The following RNF17 variants were observed in gnomAD, a reference collection of about 807,000 sequenced individuals.
RNF17 encodes the protein spermatogenesis associated 23.
A neutral mutation model predicts 200.5 loss-of-function variants in RNF17; 31 were observed. The observed-to-expected ratio is 0.15, with a 90% confidence interval of 0.12 to 0.21. The LOEUF (loss-of-function observed/expected upper bound fraction) is 0.21, where lower values mean the gene tolerates loss of function less well. RNF17 is among the 10% of genes least tolerant of loss of function. The pLI, the probability that RNF17 is intolerant of heterozygous loss-of-function variation, is 1.00. For missense variants in RNF17, 1,628 were observed against 1,905.1 expected, an observed-to-expected ratio of 0.85 and a Z score of 2.71; for synonymous variants, 606 against 637.8, an observed-to-expected ratio of 0.95 and a Z score of 0.75.
chr13:24,757,602 G>A, the RNF17 span, among the ~76,000 whole-genome samples: 6 of 152,166 alleles, frequency 3.9e-5, no homozygotes, highest in Non-Finnish European at 8.8e-5. Context: ...GAGATTACAG[G>A]CATGAGCCAC....
At position 24,815,664 on chromosome 13, in the gene RNF17, G is replaced by A. The variant is rs1319894837; in HGVS notation, c.2092-9955G>A. 2.0e-5 allele frequency among the ~76,000 whole-genome samples: 3 copies of A among 152,254 alleles called. No homozygotes were observed. In the East Asian group the frequency reaches 5.8e-4, roughly 29 times the overall value. ...GTCTTATTCCTGTCTTAAGGGAAAAGCGTTTGTCTTTGACCATTGAGTATG... is the reference window on the plus strand; with the variant it reads ...GTCTTATTCCTGTCTTAAGGGAAAAACGTTTGTCTTTGACCATTGAGTATG... On this transcript the variant is annotated intron_variant, in intron 15 of 35. Transcript: ENST00000255324.
intron 24 of RNF17, among the ~76,000 whole-genome samples, chr13:24,853,653 T>C (rs1443672427): frequency 6.6e-6 from 1 of 152,206 alleles, no homozygotes; most frequent in Admixed American, 6.5e-5. Flanking sequence ...TTAAAACATT[T>C]ACTTAAATTT....
At chr13:24,827,147 G>T (rs1888759435) in intron 16 of RNF17, among the ~76,000 whole-genome samples, 1 of 151,910 alleles carries the variant, frequency 6.6e-6, no homozygotes, top group Non-Finnish European at 1.5e-5. Context: ...GGTCAGGCTG[G>T]TCTCAGACTC....
chr13:24,844,595 A>G (rs1891040885), intron 20 of RNF17, 57 bp from the exon 21 acceptor site: 1 of 1,350,402 alleles, frequency 7.4e-7, no homozygotes, highest in Non-Finnish European at 1.0e-6. Flanking sequence ...GGAAACATGT[A>G]GCCAGAGAAT....
the RNF17 span, among the ~76,000 whole-genome samples, chr13:24,754,913 A>G: frequency 6.6e-6 from 1 of 151,232 alleles, no homozygotes; most frequent in African/African-American, 2.4e-5. Context: ...AAAAAAAAAG[A>G]TTGCATTATT....
intron 16 of RNF17, among the ~76,000 whole-genome samples, chr13:24,827,885 A>C (rs914867850): frequency 1.1e-4 from 16 of 151,912 alleles, no homozygotes; most frequent in African/African-American, 3.9e-4. Flanking sequence ...CAGAAGTATG[A>C]AAAAGGAAGG....
At chr13:24,841,694 C>G (rs1890655017) in intron 18 of RNF17, among the ~76,000 whole-genome samples, 1 of 152,024 alleles carries the variant, frequency 6.6e-6, no homozygotes, top group Admixed American at 6.6e-5. Flanking sequence ...TGCGGTGGCT[C>G]AGGCCTGTAA....
chr13:24,753,015 G>C, the RNF17 span, among the ~76,000 whole-genome samples: 173 of 152,266 alleles, frequency 1.1e-3, no homozygotes, highest in African/African-American at 3.8e-3. Context: ...CCTTGGGCAA[G>C]AAGTTCTGTG....
chr13:24,833,601 C>G (rs549532450), intron 18 of RNF17, among the ~76,000 whole-genome samples: 1 of 152,280 alleles, frequency 6.6e-6, no homozygotes, highest in South Asian at 2.1e-4. Context: ...GGGTTTCTTT[C>G]TTGATTCCTC....
In RNF17 at chr13:24,793,060, T is replaced by G. The variant is rs1299982968; in HGVS notation, c.954T>G (p.Asn318Lys). 6.3e-7 allele frequency: 1 copy of G among 1,578,072 alleles called. No individual in the cohort carries two copies. Among genetic ancestry groups the G allele is most frequent in the African/African-American group, 1.4e-5 (1 of 73,062 alleles). Residue 318 changes from asparagine (N) to lysine (K), a missense_variant, in exon 10 of 36, where the codon AAT becomes AAG. This residue lies in a region of RNF17 where 502 missense variants were observed against 501.7 expected (regional missense o/e 1.00). Coordinates refer to ENST00000255324, the MANE Select transcript of RNF17 (RefSeq NM_031277.3). ...TAAACAGATGTTATCCCCAAGAAAA[T>G]GAAATTAGACAGAATGTTCAAAAGA... is the stretch of plus-strand genomic sequence containing the variant. ...RDSTKCYPQENEIRQNVQKKY... is the reference protein window; with the variant it reads ...RDSTKCYPQEKEIRQNVQKKY...
At chr13:24,829,025 A>T (rs1319170905) in intron 16 of RNF17, among the ~76,000 whole-genome samples, 1 of 151,954 alleles carries the variant, frequency 6.6e-6, no homozygotes. Flanking sequence ...GGCTCAAGTG[A>T]TCCTCCTGCC....
At chr13:24,801,025 T>C (rs951823656) in intron 13 of RNF17, among the ~76,000 whole-genome samples, 20 of 152,316 alleles carry the variant, frequency 1.3e-4, no homozygotes, top group African/African-American at 4.8e-4. Context: ...GAGGAGTCTG[T>C]CTTTGCTCAT....
At chr13:24,827,503 A>G (rs929010361) in intron 16 of RNF17, among the ~76,000 whole-genome samples, 1 of 151,892 alleles carries the variant, frequency 6.6e-6, no homozygotes, top group African/African-American at 2.4e-5. Flanking sequence ...TAGACTGGGT[A>G]GTTTATAAAC....
the RNF17 span, among the ~76,000 whole-genome samples, chr13:24,754,168 A>T: frequency 1.3e-3 from 113 of 85,908 alleles, no homozygotes; most frequent in African/African-American, 3.5e-3. Flanking sequence ...AAATAAAATT[A>T]AAAAAAAAAT....
At chr13:24,854,466 A>G (rs1173654193) in intron 25 of RNF17, among the ~76,000 whole-genome samples, 1 of 140,704 alleles carries the variant, frequency 7.1e-6, no homozygotes. Flanking sequence ...ATCAGATGCC[A>G]ATTTTTTTTT....
At position 24,804,421 on chromosome 13, in the gene RNF17, C is replaced by G; in HGVS notation, c.2083C>G (p.Leu695Val). The change falls in exon 15 of 36, where the codon CTT (leucine) becomes GTT (valine). Residue 695 changes from leucine to valine, a missense_variant. This residue lies in a region of RNF17 where 289 missense variants were observed against 384.9 expected (regional missense o/e 0.75). Transcript: ENST00000255324. ...CHINSPGDFYLQLIEGLDILF... is the reference protein window; with the variant it reads ...CHINSPGDFYVQLIEGLDILF... ...TATAAATAGTCCTGGAGATTTCTAT[C>G]TTCAGTTGGTAAGTATATAATGTGT... is the stretch of plus-strand genomic sequence containing the variant. 6.2e-7 allele frequency: 1 copy of G among 1,609,230 alleles called. No individual in the cohort carries two copies. Among genetic ancestry groups the G allele is most frequent in the African/African-American group, 1.3e-5 (1 of 74,874 alleles).
chr13:24,821,265 A>G (rs983277407), intron 15 of RNF17, among the ~76,000 whole-genome samples: 4 of 152,160 alleles, frequency 2.6e-5, no homozygotes, highest in African/African-American at 7.2e-5. Flanking sequence ...TCATTTTAAC[A>G]TGATTATAAA....
At chr13:24,858,712 A>G (rs1437546839) in intron 25 of RNF17, among the ~76,000 whole-genome samples, 2 of 152,018 alleles carry the variant, frequency 1.3e-5, no homozygotes, top group Non-Finnish European at 2.9e-5. Flanking sequence ...GTCCTATTTT[A>G]CTTAGGGCTG....
intron 34 of RNF17, 150 bp from the exon 35 acceptor site, chr13:24,879,037 C>A: frequency 1.7e-6 from 1 of 593,576 alleles, no homozygotes; most frequent in Non-Finnish European, 3.0e-6. Context: ...TGCAGGAAAC[C>A]ACTACAGATG....
Sources: gnomAD v4.1 joint callset for allele counts (sites outside exome capture counted in the v4.1 genomes callset) on GRCh38, gnomAD v4.1.1 for gene constraint, gnomAD v4.1.1 regional missense constraint, MANE v1.5 for transcripts, NCBI Gene and HGNC (gene_info 2026-07-23, HGNC 2026-07-21) for gene names.